Variants in PTPRG observed in about 807,000 individuals in gnomAD.
PTPRG encodes protein tyrosine phosphatase receptor type G, also known as receptor-type tyrosine-protein phosphatase gamma.
Under a neutral mutation model 165.3 loss-of-function variants are expected in PTPRG, and 102 were observed. The observed-to-expected ratio is 0.62, with a 90% CI of 0.53 to 0.73. The LOEUF (loss-of-function observed/expected upper bound fraction) is 0.73, where lower values mean the gene tolerates loss of function less well. Among genes scored for constraint, PTPRG ranks in the 30% least tolerant of loss-of-function variants. The pLI, the probability that PTPRG is intolerant of heterozygous loss-of-function variation, is 0.00. For synonymous variants in PTPRG, 675 were observed against 669.5 expected (o/e 1.01, Z -0.13); for missense variants, 1,866 against 1,861.4 (o/e 1.00, Z -0.05).
intron 2 of PTPRG, among the ~76,000 whole-genome samples, chr3:61,843,799 A>T (rs1248512792): frequency 6.6e-6 from 1 of 151,964 alleles, no homozygotes; most frequent in East Asian, 1.9e-4. Flanking sequence ...ACCAGCAGAA[A>T]ATCTCTTAAA....
At chr3:61,590,907 C>G (rs1261110182) in intron 1 of PTPRG, among the ~76,000 whole-genome samples, 2 of 152,044 alleles carry the variant, frequency 1.3e-5, no homozygotes. Context: ...GTCAGGAGTT[C>G]AAGACCAGCC....
intron 1 of PTPRG, among the ~76,000 whole-genome samples, chr3:61,588,082 T>C (rs1475168411): frequency 6.6e-6 from 1 of 152,190 alleles, no homozygotes; most frequent in East Asian, 1.9e-4. Context: ...TTCATGACCC[T>C]GCCCCTTCAA....
chr3:62,009,363 G>T (rs945596381), intron 4 of PTPRG, among the ~76,000 whole-genome samples: 4 of 152,136 alleles, frequency 2.6e-5, no homozygotes, highest in South Asian at 2.1e-4. Context: ...GTTCAGGATT[G>T]TCCAGCCAGA....
At chr3:61,722,292 C>T (rs79057998) in intron 1 of PTPRG, among the ~76,000 whole-genome samples, 3,659 of 152,192 alleles carry the variant, frequency 0.024, 53 homozygotes, top group South Asian at 0.039. Flanking sequence ...AACTCTCTCC[C>T]TTCATAATCC....
chr3:62,026,879 T>TAAAAAAAAAAAAAAAAAACAAAA (rs200417191), intron 4 of PTPRG, among the ~76,000 whole-genome samples: 1 of 94,726 alleles, frequency 1.1e-5, no homozygotes, highest in Non-Finnish European at 2.0e-5. Context: ...GAGTGAGAAT[T>TAAAAAAAAAAAAAAAAAACAAAA]AAAAAAAAAA....
At chr3:61,964,101 T>C (rs1401781906) in intron 2 of PTPRG, among the ~76,000 whole-genome samples, 2 of 152,212 alleles carry the variant, frequency 1.3e-5, no homozygotes, top group Non-Finnish European at 1.5e-5. Flanking sequence ...TCAGTGTAAG[T>C]AGAATTGTCT....
intron 5 of PTPRG, among the ~76,000 whole-genome samples, chr3:62,102,252 C>T (rs989601111): frequency 6.6e-6 from 1 of 151,806 alleles, no homozygotes; most frequent in African/African-American, 2.4e-5. Flanking sequence ...TTCTTTCTGT[C>T]TTCCTTTCTT....
At chr3:62,060,211 CAAAAAAA>C (rs3068431) in intron 4 of PTPRG, among the ~76,000 whole-genome samples, 2 of 131,484 alleles carry the variant, frequency 1.5e-5, no homozygotes, top group Non-Finnish European at 1.6e-5. Flanking sequence ...GACCCTGTCT[CAAAAAAA>C]AAAAAAAAAA....
chr3:61,773,396 A>T (rs1270421813), intron 2 of PTPRG, among the ~76,000 whole-genome samples: 2 of 152,222 alleles, frequency 1.3e-5, no homozygotes, highest in Non-Finnish European at 2.9e-5. Flanking sequence ...CAATGTAATA[A>T]TAATAAAAGA....
chr3:62,077,998 A>AG (rs72188274), intron 4 of PTPRG, among the ~76,000 whole-genome samples, 165 bp from the exon 5 acceptor site: 3 of 72,988 alleles, frequency 4.1e-5, no homozygotes, highest in African/African-American at 2.2e-4. Flanking sequence ...ACCTTATCTC[A>AG]AAAAAAAAAA....
intron 2 of PTPRG, among the ~76,000 whole-genome samples, chr3:61,857,859 T>G (rs1323059438): frequency 6.6e-6 from 1 of 152,164 alleles, no homozygotes; most frequent in Non-Finnish European, 1.5e-5. Flanking sequence ...AGTCTCAGCA[T>G]TATGGACATT....
At chr3:62,020,185 T>G (rs962014434) in intron 4 of PTPRG, among the ~76,000 whole-genome samples, 1 of 152,204 alleles carries the variant, frequency 6.6e-6, no homozygotes, top group African/African-American at 2.4e-5. Context: ...CAGTCTGCTT[T>G]ATCACTTTGC....
At chr3:62,193,077 C>T (rs1460306486) in intron 9 of PTPRG, among the ~76,000 whole-genome samples, 1 of 152,172 alleles carries the variant, frequency 6.6e-6, no homozygotes. Context: ...TTGAAAGGCA[C>T]CCAAGGTTAT....
chr3:61,618,474 A>C (rs1701361322), intron 1 of PTPRG, among the ~76,000 whole-genome samples: 1 of 152,098 alleles, frequency 6.6e-6, no homozygotes, highest in African/African-American at 2.4e-5. Context: ...GGGTATTCTA[A>C]ATTGGGCCTG....
intron 4 of PTPRG, among the ~76,000 whole-genome samples, chr3:62,061,034 TATAA>T (rs1334954444): frequency 3.3e-5 from 5 of 152,258 alleles, no homozygotes; most frequent in Admixed American, 2.6e-4. Context: ...CTTCTGCTAT[TATAA>T]ATAATGCTTC....
intron 8 of PTPRG, among the ~76,000 whole-genome samples, chr3:62,174,167 G>C (rs758512868): frequency 6.6e-6 from 1 of 152,182 alleles, no homozygotes; most frequent in Admixed American, 6.5e-5. Flanking sequence ...GTGATTAAGT[G>C]CTGAATACTG....
chr3:61,908,097 C>T (rs74450347), intron 2 of PTPRG, among the ~76,000 whole-genome samples: 12 of 123,826 alleles, frequency 9.7e-5, no homozygotes, highest in African/African-American at 1.8e-4. Flanking sequence ...CCAGCCTGGG[C>T]GACAGAACAA....
intron 1 of PTPRG, chr3:61,742,576 T>A: frequency 6.3e-7 from 1 of 1,590,834 alleles, no homozygotes; most frequent in South Asian, 1.1e-5. Flanking sequence ...ATACACAAGC[T>A]CATCGGCTGT....
chr3:61,563,636 G>A (rs1040306131), intron 1 of PTPRG, among the ~76,000 whole-genome samples: 4 of 152,232 alleles, frequency 2.6e-5, no homozygotes, highest in Non-Finnish European at 4.4e-5. Flanking sequence ...TGCATACCCG[G>A]AGGTGGAGGT....
Sources: gnomAD v4.1 joint callset for allele counts (sites outside exome capture counted in the v4.1 genomes callset) on GRCh38, gnomAD v4.1.1 for gene constraint, MANE v1.5 for transcripts, NCBI Gene and HGNC (gene_info 2026-07-23, HGNC 2026-07-21) for gene names.